ARFGAP2: variants seen among roughly 807,000 people sequenced by gnomAD.
The protein encoded by ARFGAP2 is ARF GTPase activating protein 2, also known as ADP-ribosylation factor GTPase-activating protein 2.
Under a neutral mutation model 71.9 loss-of-function variants are expected in ARFGAP2, and 45 were observed. The ratio of observed to expected loss-of-function variants is 0.63; its 90% confidence interval spans 0.49 to 0.80. The LOEUF (loss-of-function observed/expected upper bound fraction) is 0.80, where lower values mean the gene tolerates loss of function less well. Ranked by LOEUF, ARFGAP2 falls within the 30% of genes least tolerant of loss-of-function variation. The probability of loss-of-function intolerance (pLI) is 0.00; values close to 1 mark genes in which losing one functional copy is unlikely to be tolerated. For missense variants in ARFGAP2, 633 were observed against 673.9 expected, an observed-to-expected ratio of 0.94 and a Z score of 0.67; for synonymous variants, 248 against 249.2, an observed-to-expected ratio of 1.00 and a Z score of 0.05.
chr11:47,176,647 G>C lies in ARFGAP2; in HGVS notation c.73-13C>G. 6.2e-7 allele frequency: 1 copy of C among 1,613,856 alleles called. No homozygotes were observed. On this transcript the variant is annotated splice_polypyrimidine_tract_variant and intron_variant, in intron 1 of 15. Coordinates refer to ENST00000524782, the MANE Select transcript of ARFGAP2 (RefSeq NM_032389.6). ...AGTCGAAACAGGCCTGGGTGGAGGC[G>C]GCGATGAGCGAATCGTCAGGGGCCC...
In ARFGAP2 at chr11:47,168,164, G is replaced by A. The variant is rs1295706425; in HGVS notation, c.1029C>T (p.Asp343=). 1 of 1,614,240 alleles carries A rather than the reference G, an allele frequency of 6.2e-7. No homozygotes were observed. The highest frequency in any genetic ancestry group is 1.1e-5 in the South Asian group (1 of 91,088). ...CGAAAGTACCAACATCGTCAAACAA[G>A]TCCAGCTGCGAGCGAGAGGATTTTG... is the stretch of plus-strand genomic sequence containing the variant. The part of the protein sequence containing the change: ...VSAKSSRSQL[D]LFDDVGTFAS... The change falls in exon 11 of 16, where the codon GAC becomes GAT. Residue 343 remains aspartate, a synonymous_variant. Transcript: ENST00000524782.
At chr11:47,173,946 A>G in intron 5 of ARFGAP2, 106 bp from the exon 6 acceptor site, 1 of 1,531,144 alleles carries the variant, frequency 6.5e-7, no homozygotes, top group Middle Eastern at 1.7e-4. Flanking sequence ...CTCCAAACCC[A>G]TGAGGAAAGG....
In ARFGAP2 at chr11:47,176,529, G is replaced by C. The variant is rs986919143; in HGVS notation, c.178C>G (p.Leu60Val). The C allele has an allele frequency of 6.2e-7, 1 of 1,613,642 alleles. No homozygotes were observed. The highest frequency in any genetic ancestry group is 1.3e-5 in the African/African-American group (1 of 75,056). The stretch of plus-strand genomic sequence containing the variant: ...CGGAGAGCCTACCTGATGAAGCTCA[G>C]ATGGACGCCCAGGGAGCGGTGCACC... ...SGVHRSLGVHLSFIRSTELDS... is the reference protein window; with the variant it reads ...SGVHRSLGVHVSFIRSTELDS... The change falls in exon 2 of 16, where the codon CTG (leucine) becomes GTG (valine). Residue 60 changes from leucine (L) to valine (V), a missense_variant. Transcript: ENST00000524782.
chr11:47,167,454 C>A (rs1389292937), intron 12 of ARFGAP2, among the ~76,000 whole-genome samples: 1 of 152,154 alleles, frequency 6.6e-6, no homozygotes, highest in Non-Finnish European at 1.5e-5. Context: ...GTCAACTAAA[C>A]AGATCCCAGA....
chr11:47,173,603 A>G (rs527478216), intron 6 of ARFGAP2, 121 bp from the exon 7 acceptor site: 3 of 1,404,464 alleles, frequency 2.1e-6, no homozygotes, highest in East Asian at 2.5e-5. Flanking sequence ...GATAAAAGGA[A>G]TATCTACCAC....
rs1270401511 is a variant in ARFGAP2, at chr11:47,166,375, G to A, written c.1438C>T (p.Leu480=). 1.2e-6 allele frequency: 2 copies of A among 1,614,014 alleles called. No individual in the cohort carries two copies. Among genetic ancestry groups the A allele is most frequent in the African/African-American group, 2.7e-5 (2 of 74,932 alleles). ...DGAHGAGSVS[L]GNVLPTADIA... ...TCCGCTGTAGGCAGCACGTTCCCCAGAGATACACTTCCTGTAAAACAAGAG... is the reference window on the plus strand; with the variant it reads ...TCCGCTGTAGGCAGCACGTTCCCCAAAGATACACTTCCTGTAAAACAAGAG... Residue 480 remains leucine (L), a synonymous_variant, in exon 15 of 16, where the codon CTG becomes TTG. Coordinates refer to ENST00000524782, the MANE Select transcript of ARFGAP2 (RefSeq NM_032389.6).
At position 47,175,041 on chromosome 11, in the gene ARFGAP2, A is replaced by T. The variant is rs1038791781; in HGVS notation, c.454T>A (p.Ser152Thr). Residue 152 changes from serine (S) to threonine (T), a missense_variant, in exon 5 of 16, where the codon TCT becomes ACT. By Grantham distance (58) the Ser-to-Thr change is moderately conservative. Coordinates refer to ENST00000524782, the MANE Select transcript of ARFGAP2 (RefSeq NM_032389.6). The stretch of plus-strand genomic sequence containing the variant: ...TGAGTGTGTTCTGTGAAGAAATCAG[A>T]GTCCTTCTTCTCTGGGGAGTGATTA... ...VPNHSPEKKD[S>T]DFFTEHTQPP... 6.2e-7 allele frequency: 1 copy of T among 1,614,044 alleles called. No homozygotes were observed. The highest frequency in any genetic ancestry group is 1.3e-5 in the African/African-American group (1 of 74,920).
chr11:47,176,805 GCCTCTTAAA>G lies in ARFGAP2; in HGVS notation c.40_48del (p.Phe14_Arg16del). On this transcript the variant is annotated inframe_deletion, in exon 1 of 16. Transcript: ENST00000524782. ...ACCTTGTTGGTTGGAACTGCGCGAA[GCCTCTTAAA>G]AAGAGTCTGGATTTCGGTCTTGTTC... 1 of 1,614,126 alleles carries G rather than the reference GCCTCTTAAA, an allele frequency of 6.2e-7. No homozygotes were observed. Among genetic ancestry groups the G allele is most frequent in the Non-Finnish European group, 8.5e-7 (1 of 1,180,026 alleles).
In ARFGAP2 at chr11:47,174,822, G is replaced by A. The variant is rs139038114; in HGVS notation, c.480+193C>T. The stretch of plus-strand genomic sequence containing the variant: ...TTTATAGGAGTCGATTTCTAAGGAG[G>A]GCTACACTGCACCTCCATTTATGGA... On this transcript the variant is annotated intron_variant, in intron 5 of 15. Transcript: ENST00000524782. The A allele has an allele frequency of 5.8e-5, 38 of 656,604 alleles. No homozygotes were observed. The East Asian group carries it at 8.4e-4, about 14-fold the overall frequency. 40.7% of individuals were successfully genotyped at this position (656,604 alleles called of 1,614,324 possible).
In ARFGAP2 at chr11:47,166,265, C is replaced by T. The variant is rs781354274; in HGVS notation, c.1545+3G>A. On this transcript the variant is annotated splice_donor_region_variant and intron_variant, in intron 15 of 15. Coordinates refer to ENST00000524782, the MANE Select transcript of ARFGAP2 (RefSeq NM_032389.6). ...TCCTCATTAGGCCCCACTTCAGCCT[C>T]ACCTGCAAGGAATTCATCACACCAT... 7 of 1,614,154 alleles carry T rather than the reference C, an allele frequency of 4.3e-6. No homozygotes were observed. In the South Asian group the frequency reaches 5.5e-5, roughly 13 times the overall value.
chr11:47,174,221 G>A (rs1952705896), intron 5 of ARFGAP2, among the ~76,000 whole-genome samples: 2 of 152,130 alleles, frequency 1.3e-5, no homozygotes, highest in Admixed American at 6.5e-5. Context: ...TGAGTGACTT[G>A]GCCACCATCA....
At chr11:47,176,462 C>G in intron 2 of ARFGAP2, 54 bp downstream of exon 2, 6 of 1,546,286 alleles carry the variant, frequency 3.9e-6, no homozygotes, top group Non-Finnish European at 5.3e-6. Flanking sequence ...CCCTTGTTGC[C>G]CAGACACCCC....
At position 47,168,259 on chromosome 11, in the gene ARFGAP2, G is replaced by T. The variant is rs1437440915; in HGVS notation, c.942-8C>A. 2 of 1,613,932 alleles carry T rather than the reference G, an allele frequency of 1.2e-6. No individual in the cohort carries two copies. Among genetic ancestry groups the T allele is most frequent in the Non-Finnish European group, 1.7e-6 (2 of 1,180,008 alleles). On this transcript the variant is annotated splice_region_variant and splice_polypyrimidine_tract_variant and intron_variant, in intron 10 of 15. Transcript: ENST00000524782. ...ACGGAGTGGGAGACAGAGCTGCGCA[G>T]CAAAGCAGAGCCAGGCATGAGACCA...
rs1590940847 is a variant in ARFGAP2, at chr11:47,165,407, C to A, written c.*75G>T. The A allele has an allele frequency of 1.4e-5, 21 of 1,521,552 alleles. No individual in the cohort carries two copies. The East Asian group carries it at 4.5e-4, about 33-fold the overall frequency. The allele number at this position is 1,521,552 out of a possible 1,614,324, so 94.3% of individuals were successfully genotyped here. The stretch of plus-strand genomic sequence containing the variant: ...CAAATCCTCCCCAGCTTCCACAAGG[C>A]AAAGCATCCCCAGCCTGGGAACTGT... On this transcript the variant is annotated 3_prime_UTR_variant, in exon 16 of 16. Coordinates refer to ENST00000524782, the MANE Select transcript of ARFGAP2 (RefSeq NM_032389.6).
chr11:47,174,964 T>C (rs1424853826), intron 5 of ARFGAP2, 51 bp downstream of exon 5: 11 of 1,591,508 alleles, frequency 6.9e-6, no homozygotes, highest in Non-Finnish European at 9.5e-6. Flanking sequence ...TGGGCCTTGG[T>C]AAATTGCCTG....
chr11:47,167,630 C>T (rs528618502), intron 12 of ARFGAP2, among the ~76,000 whole-genome samples: 3 of 152,266 alleles, frequency 2.0e-5, no homozygotes, highest in Admixed American at 1.3e-4. Context: ...CAACTCAAAC[C>T]GAAGCCTGAC....
Position 47,167,770 on chromosome 11 carries a change from T to C in ARFGAP2, c.1205+139A>G, listed in dbSNP as rs151108685. On this transcript the variant is annotated intron_variant, in intron 12 of 15. Transcript: ENST00000524782. ...TTAAGGGCTCATAGCCACATAGTAG[T>C]GGCTACCATATTAAACAACACAGAG... is the stretch of plus-strand genomic sequence containing the variant. The C allele has an allele frequency of 6.4e-4, 708 of 1,111,076 alleles. 5 individuals carry two copies. The African/African-American group carries it at 9.7e-3, about 15-fold the overall frequency. 68.8% of individuals were successfully genotyped at this position (1,111,076 alleles called of 1,614,324 possible).
At chr11:47,171,383 A>G (rs1952592720) in intron 10 of ARFGAP2, 43 bp downstream of exon 10, 7 of 1,609,222 alleles carry the variant, frequency 4.3e-6, no homozygotes, top group Non-Finnish European at 5.1e-6. Context: ...TGGTTCCCAG[A>G]AAACAACGGC....
At chr11:47,176,477 C>A in intron 2 of ARFGAP2, 39 bp downstream of exon 2, 3 of 1,586,684 alleles carry the variant, frequency 1.9e-6, no homozygotes, top group Non-Finnish European at 2.6e-6. Context: ...CACCCCTGGC[C>A]GGCCGGGTGG....
Sources: gnomAD v4.1 joint callset for allele counts (sites outside exome capture counted in the v4.1 genomes callset) on GRCh38, gnomAD v4.1.1 for gene constraint, MANE v1.5 for transcripts, NCBI Gene and HGNC (gene_info 2026-07-23, HGNC 2026-07-21) for gene names.